Variants in POFUT2 observed in about 807,000 individuals in gnomAD.
POFUT2 encodes the protein protein O-fucosyltransferase 2, also known as GDP-fucose protein O-fucosyltransferase 2.
In POFUT2, 30 loss-of-function variants were observed where a neutral mutation model predicts 55.0. That is an observed-to-expected ratio of 0.55 (90% CI 0.41 to 0.74). The LOEUF is 0.74. Among genes scored for constraint, POFUT2 ranks in the 30% least tolerant of loss-of-function variants. POFUT2 has a pLI of 0.00. For missense variants in POFUT2, 524 were observed against 562.6 expected (o/e 0.93, Z 0.69); for synonymous variants, 267 against 231.1 (o/e 1.16, Z -1.41).
In POFUT2 at chr21:45,265,755, C is replaced by T; in HGVS notation, c.1137-120G>A. 2 of 1,465,622 alleles carry T rather than the reference C, an allele frequency of 1.4e-6. No individual in the cohort carries two copies. The highest frequency in any genetic ancestry group is 1.8e-6 in the Non-Finnish European group (2 of 1,113,432). The allele number at this position is 1,465,622 out of a possible 1,614,324, so 90.8% of individuals were successfully genotyped here. Reference sequence around the variant, plus strand: ...GAGTTCCACAGTTACATGGAACCAACACGGCCGTCCCCCGAGCACCCACCA... The same window carrying T: ...GAGTTCCACAGTTACATGGAACCAATACGGCCGTCCCCCGAGCACCCACCA... On this transcript the variant is annotated intron_variant, in intron 8 of 8. Coordinates refer to ENST00000349485, the MANE Select transcript of POFUT2 (RefSeq NM_133635.6). This position sits in a 1 kb window ranked among gnomAD's most constrained non-coding sequence, Gnocchi z 4.6.
chr21:45,284,443 G>C lies in POFUT2; in HGVS notation c.383-916C>G, dbSNP rs1317624413. 1.3e-5 allele frequency among the ~76,000 whole-genome samples: 2 copies of C among 152,190 alleles called. No homozygotes were observed. The highest frequency in any genetic ancestry group is 4.8e-5 in the African/African-American group (2 of 41,452). On this transcript the variant is annotated intron_variant, in intron 2 of 8. Transcript: ENST00000349485. This position sits in a 1 kb window ranked among gnomAD's most constrained non-coding sequence, Gnocchi z 5.8. ...GGAGCTCACCGTGTGCAGTCTCTTG[G>C]CAGCCTCGCCCTAGGACAGGCACCC...
intron 4 of POFUT2, among the ~76,000 whole-genome samples, chr21:45,280,036 A>G (rs538511710): frequency 2.0e-5 from 3 of 152,312 alleles, no homozygotes; most frequent in East Asian, 1.9e-4. Flanking sequence ...ATGAAATGCA[A>G]TACTGCACTT....
rs760113106 is a variant in POFUT2 at position 45,278,756 on chromosome 21, C to T, written c.639-587G>A. Among the ~76,000 whole-genome samples the T allele has an allele frequency of 5.8e-4, 88 of 152,314 alleles. 1 individual carries two copies. The South Asian group carries it at 6.2e-3, about 11-fold the overall frequency. ...AGCAGCGGCTGTGAAAGGTGAGGTG[C>T]GTGAAGCACGTGAGGAACGTCCTGG... On this transcript the variant is annotated intron_variant, in intron 4 of 8. Coordinates refer to ENST00000349485, the MANE Select transcript of POFUT2 (RefSeq NM_133635.6).
Position 45,285,975 on chromosome 21 carries a change from T to G in POFUT2, c.132-47A>C. 1 of 1,548,638 alleles carries G rather than the reference T, an allele frequency of 6.5e-7. No individual in the cohort carries two copies. Among genetic ancestry groups the G allele is most frequent in the Non-Finnish European group, 8.7e-7 (1 of 1,147,658 alleles). On this transcript the variant is annotated intron_variant, in intron 1 of 8. Transcript: ENST00000349485. This position sits in a 1 kb window ranked among gnomAD's most constrained non-coding sequence, Gnocchi z 4.9. ...CACAGGTCTCAAATGCTGAGGTTTC[T>G]GCACGGAAAACCCGACTGCTCACAA...
Position 45,267,429 on chromosome 21 carries a change from T to C in POFUT2, c.1136+161A>G, listed in dbSNP as rs921517777. ...AATTAACTTCAGCCCAGGGAAACAC[T>C]GAACCAGATGCTACAGGAGACTCAG... On this transcript the variant is annotated intron_variant, in intron 8 of 8. Coordinates refer to ENST00000349485, the MANE Select transcript of POFUT2 (RefSeq NM_133635.6). This position sits in a 1 kb window ranked among gnomAD's most constrained non-coding sequence, Gnocchi z 4.4. 1 of 1,611,448 alleles carries C rather than the reference T, an allele frequency of 6.2e-7. No homozygotes were observed. The highest frequency in any genetic ancestry group is 8.5e-7 in the Non-Finnish European group (1 of 1,178,066).
rs767327567 is a variant in POFUT2 at position 45,277,109 on chromosome 21, G to C, written c.739C>G (p.Arg247Gly). Reference sequence around the variant, plus strand: ...CTCCTGAACTCGTCTCCCACCTCCCGCAGGTGCCTGGCAAACACCATGCTG... The same window carrying C: ...CTCCTGAACTCGTCTCCCACCTCCCCCAGGTGCCTGGCAAACACCATGCTG... ...RRSMVFARHL[R>G]EVGDEFRSRH... Residue 247 changes from arginine (R) to glycine (G), a missense_variant, in exon 6 of 9, where the codon CGG (arginine) becomes GGG (glycine). By Grantham distance (125) the Arg-to-Gly change is moderately radical. Transcript: ENST00000349485. This position sits in a 1 kb window ranked among gnomAD's most constrained non-coding sequence, Gnocchi z 6.9. 6.2e-7 allele frequency: 1 copy of C among 1,613,876 alleles called. No individual in the cohort carries two copies.
intron 7 of POFUT2, among the ~76,000 whole-genome samples, chr21:45,268,740 C>T (rs1469998319): frequency 6.8e-5 from 10 of 147,144 alleles, no homozygotes; most frequent in Middle Eastern, 3.7e-3. Flanking sequence ...GGAGCCTCTC[C>T]GCCCGGCAGC....
intron 1 of POFUT2, among the ~76,000 whole-genome samples, chr21:45,286,665 G>A (rs1010785720): frequency 1.3e-5 from 2 of 152,006 alleles, no homozygotes; most frequent in Admixed American, 6.5e-5. Context: ...GACACAAAGC[G>A]CCCCAAGGCA....
chr21:45,287,676 C>CA, intron 1 of POFUT2, 65 bp downstream of exon 1: 84 of 1,181,006 alleles, frequency 7.1e-5, no homozygotes, highest in Non-Finnish European at 8.5e-5. Context: ...GCCCCGCCCC[C>CA]ATCCCATCCT....
rs989983218 is a variant in POFUT2 at position 45,267,053 on chromosome 21, C to T, written c.1136+537G>A. ...CGGCAGCCCCACGAGAATGATCACA[C>T]GAGGGCCCACGCTCCCGGCCTCGGG... is the stretch of plus-strand genomic sequence containing the variant. On this transcript the variant is annotated intron_variant, in intron 8 of 8. Transcript: ENST00000349485. The surrounding 1 kb of genome is among the most constrained non-coding windows in gnomAD (Gnocchi z 4.4). 23 of 1,095,944 alleles carry T rather than the reference C, an allele frequency of 2.1e-5. No homozygotes were observed. Among genetic ancestry groups the T allele is most frequent in the Non-Finnish European group, 1.8e-5 (16 of 897,122 alleles). 67.9% of individuals were successfully genotyped at this position (1,095,944 alleles called of 1,614,324 possible). A position where few individuals can be genotyped will look rare whatever the true frequency, so the allele number is the denominator to read the frequency against.
Position 45,277,165 on chromosome 21 carries a change from G to C in POFUT2, c.706-23C>G, listed in dbSNP as rs373860282. On this transcript the variant is annotated intron_variant, in intron 5 of 8. Transcript: ENST00000349485. This position sits in a 1 kb window ranked among gnomAD's most constrained non-coding sequence, Gnocchi z 6.9. ...GGTCTGTGGAAACGGCGACGGCTCG[G>C]CTGAGAACACGCCCGCCCGCCACGC... 3.7e-6 allele frequency: 6 copies of C among 1,608,266 alleles called. No individual in the cohort carries two copies. Among genetic ancestry groups the C allele is most frequent in the Non-Finnish European group, 5.1e-6 (6 of 1,178,828 alleles).
Position 45,282,748 on chromosome 21 carries a change from G to A in POFUT2, c.528-289C>T. 1 of 533,208 alleles carries A rather than the reference G, an allele frequency of 1.9e-6. No individual in the cohort carries two copies. The highest frequency in any genetic ancestry group is 2.3e-5 in the Admixed American group (1 of 44,118). The allele number at this position is 533,208 out of a possible 1,614,324, so 33.0% of individuals were successfully genotyped here. ...CAGAGGCAGCCCTGTGCACCTTCAG[G>A]GCCAGCCTGGCTGTGACCGTCAGCC... is the stretch of plus-strand genomic sequence containing the variant. On this transcript the variant is annotated intron_variant, in intron 3 of 8. Coordinates refer to ENST00000349485, the MANE Select transcript of POFUT2 (RefSeq NM_133635.6). This position sits in a 1 kb window ranked among gnomAD's most constrained non-coding sequence, Gnocchi z 4.6.
In POFUT2 at chr21:45,267,687, G is replaced by A. The variant is rs1410281016; in HGVS notation, c.1039C>T (p.Pro347Ser). ...KEYEELKKLL[P>S]EMVRFEPTWE... Reference sequence around the variant, plus strand: ...GTGGGTTCAAACCTCACCATCTCGGGTAACAGCTTTTTTAGCTCTTCATAT... The same window carrying A: ...GTGGGTTCAAACCTCACCATCTCGGATAACAGCTTTTTTAGCTCTTCATAT... The change falls in exon 8 of 9, where the codon CCC (proline) becomes TCC (serine). Residue 347 changes from proline to serine, a missense_variant. Pro to Ser is a moderately conservative substitution (Grantham distance 74, BLOSUM62 -1). Around this residue, in one of 2 missense-constraint regions of POFUT2, gnomAD observed 250 missense variants for 318.2 expected, o/e 0.79. Transcript: ENST00000349485. This position sits in a 1 kb window ranked among gnomAD's most constrained non-coding sequence, Gnocchi z 4.4. The A allele has an allele frequency of 6.2e-7, 1 of 1,614,166 alleles. No homozygotes were observed. Among genetic ancestry groups the A allele is most frequent in the Non-Finnish European group, 8.5e-7 (1 of 1,180,032 alleles).
At chr21:45,266,450 C>T (rs970887395) in intron 8 of POFUT2, 4 of 1,149,792 alleles carry the variant, frequency 3.5e-6, no homozygotes, top group South Asian at 1.7e-5. Flanking sequence ...GAGCGCTTCG[C>T]GCAGCTGAGG....
chr21:45,277,640 G>A lies in POFUT2; in HGVS notation c.705+463C>T, dbSNP rs544175200. ...AGCAGGCCTGCTGTGTCCACGGGAG[G>A]GGGCAGCCACTTCCCGCCCTCTGCT... On this transcript the variant is annotated intron_variant, in intron 5 of 8. Coordinates refer to ENST00000349485, the MANE Select transcript of POFUT2 (RefSeq NM_133635.6). The surrounding 1 kb of genome is among the most constrained non-coding windows in gnomAD (Gnocchi z 6.9). The A allele has an allele frequency of 6.3e-5, 14 of 221,010 alleles. No individual in the cohort carries two copies. The South Asian group carries it at 9.8e-4, about 15-fold the overall frequency. The allele number at this position is 221,010 out of a possible 1,614,324, so 13.7% of individuals were successfully genotyped here.
chr21:45,278,310 G>C, intron 4 of POFUT2, 141 bp from the exon 5 acceptor site: 1 of 737,724 alleles, frequency 1.4e-6, no homozygotes, highest in Non-Finnish European at 2.4e-6. Flanking sequence ...GGGCGCGTTG[G>C]GTGGTTATGG....
At position 45,282,305 on chromosome 21, in the gene POFUT2, C is replaced by T. The variant is rs143342148; in HGVS notation, c.638+44G>A. The T allele has an allele frequency of 4.2e-3, 5,281 of 1,266,430 alleles. 37 individuals carry two copies. The highest frequency in any genetic ancestry group is 0.011 in the Middle Eastern group (57 of 5,228). 78.4% of individuals were successfully genotyped at this position (1,266,430 alleles called of 1,614,324 possible). A position where few individuals can be genotyped will look rare whatever the true frequency, so the allele number is the denominator to read the frequency against. Reference sequence around the variant, plus strand: ...CCCAGCCCAGCATGCACGGAGCAGACGCCACAGCCTCCAGGCTGCTCCCGG... The same window carrying T: ...CCCAGCCCAGCATGCACGGAGCAGATGCCACAGCCTCCAGGCTGCTCCCGG... On this transcript the variant is annotated intron_variant, in intron 4 of 8. Transcript: ENST00000349485. This position sits in a 1 kb window ranked among gnomAD's most constrained non-coding sequence, Gnocchi z 4.6.
chr21:45,272,956 CACAG>C (rs1394215298), intron 6 of POFUT2, among the ~76,000 whole-genome samples: 1 of 151,940 alleles, frequency 6.6e-6, no homozygotes, highest in Non-Finnish European at 1.5e-5. Context: ...TCTGAAAGAG[CACAG>C]ACAATCTAAG....
Position 45,287,814 on chromosome 21 carries a change from A to G in POFUT2, c.58T>C (p.Ser20Pro), listed in dbSNP as rs1371127130. The G allele has an allele frequency of 1.3e-6, 2 of 1,509,086 alleles. No homozygotes were observed. The highest frequency in any genetic ancestry group is 1.8e-6 in the Non-Finnish European group (2 of 1,125,456). The allele number at this position is 1,509,086 out of a possible 1,614,324, so 93.5% of individuals were successfully genotyped here. Reference sequence around the variant, plus strand: ...GGCCAGAACTCCTGGCCGGAGGCAGAAGCCGGAGGCCAGGACACTGCCCCC... The same window carrying G: ...GGCCAGAACTCCTGGCCGGAGGCAGGAGCCGGAGGCCAGGACACTGCCCCC... ...LLGAVSWPPA[S>P]ASGQEFWPGQ... The change falls in exon 1 of 9, where the codon TCT becomes CCT. Residue 20 changes from serine (S) to proline (P), a missense_variant. Ser to Pro is a moderately conservative substitution (Grantham distance 74). This residue lies in a region of POFUT2 where 274 missense variants were observed against 244.4 expected (regional missense o/e 1.12). Transcript: ENST00000349485.
Sources: allele counts gnomAD v4.1 joint callset (sites outside exome capture counted in the v4.1 genomes callset), GRCh38; gene constraint gnomAD v4.1.1; regional missense constraint gnomAD v4.1.1; non-coding constraint Gnocchi (gnomAD v3.1); transcripts MANE v1.5; gene names NCBI Gene and HGNC (gene_info 2026-07-23, HGNC 2026-07-21).